The following ARL10 variants were observed in gnomAD, a reference collection of about 807,000 sequenced individuals.
ARL10 encodes the protein ARF like GTPase 10.
In ARL10, 23 loss-of-function variants were observed where a neutral mutation model predicts 26.1. That is an observed-to-expected ratio of 0.88 (90% CI 0.63 to 1.25). ARL10 has a LOEUF of 1.25. Ranked by LOEUF, ARL10 falls within the 50% of genes most tolerant of loss-of-function variation. ARL10 has a pLI of 0.00. For synonymous variants in ARL10, 138 were observed against 149.1 expected (o/e 0.93, Z 0.54); for missense variants, 300 against 323.6 (o/e 0.93, Z 0.56).
At chr5:176,412,088 A>ATCACT in the ARL10 span, among the ~76,000 whole-genome samples, 2 of 150,218 alleles carry the variant, frequency 1.3e-5, no homozygotes, top group Non-Finnish European at 3.0e-5. Flanking sequence ...AGGCAGGAGA[A>ATCACT]TGGTGTGAAC....
At position 176,375,195 on chromosome 5, in the gene ARL10, TCCATCCATCCACTCATCCACCCATCCAC is replaced by T. The variant is rs1768657505; in HGVS notation, c.*3312_*3339del. On this transcript the variant is annotated 3_prime_UTR_variant, in exon 4 of 4. Transcript: ENST00000310389. ...ACCCACCCACCCATCCACCCATCCATCCATCCATCCACTCATCCACCCATCCACCCATCCATCCATCCATCCATCCATC... is the reference window on the plus strand; with the variant it reads ...ACCCACCCACCCATCCACCCATCCATCCATCCATCCATCCATCCATCCATC... 3.7e-5 allele frequency: 3 copies of T among 80,548 alleles called. No individual in the cohort carries two copies. The highest frequency in any genetic ancestry group is 1.6e-4 in the Admixed American group (1 of 6,118). 5.0% of individuals were successfully genotyped at this position (80,548 alleles called of 1,614,324 possible).
At chr5:176,385,028 A>G, downstream of ARL10, 3 of 594,352 alleles carry the variant, frequency 5.0e-6, no homozygotes, top group Non-Finnish European at 9.0e-6. Flanking sequence ...ACTGGAACCA[A>G]GGTCACTCAG....
downstream of ARL10, among the ~76,000 whole-genome samples, chr5:176,391,786 G>A (rs1239619946): frequency 6.6e-6 from 1 of 152,236 alleles, no homozygotes; most frequent in Admixed American, 6.5e-5. Flanking sequence ...AGCTCCTTCA[G>A]AGGGAGCATG....
Position 176,397,467 on chromosome 5 carries a change from C to A in ARL10, c.134-4274C>A, listed in dbSNP as rs1212213350. On this transcript the variant is annotated intron_variant, in intron 1 of 1. Coordinates refer to the ARL10 transcript ENST00000514533. ...CACAGCCCGTCTCATGTCCCCACGG[C>A]CCCCTCATGTCCCCACAGCTCCCTC... 7 of 606,502 alleles carry A rather than the reference C, an allele frequency of 1.2e-5. No homozygotes were observed. The African/African-American group carries it at 1.4e-4, about 12-fold the overall frequency. The allele number at this position is 606,502 out of a possible 1,614,324, so 37.6% of individuals were successfully genotyped here.
chr5:176,388,668 A>T (rs1756101399), downstream of ARL10: 2 of 1,329,204 alleles, frequency 1.5e-6, no homozygotes, highest in Non-Finnish European at 2.1e-6. Context: ...CTTTTGTAGC[A>T]CTACCGTGCT....
At chr5:176,369,243 T>A (rs575369738) in intron 3 of ARL10, 4 of 1,432,836 alleles carry the variant, frequency 2.8e-6, no homozygotes, top group Admixed American at 2.2e-5. Flanking sequence ...TGTTTTTGTT[T>A]TTTTTTTGAG....
chr5:176,408,730 A>C, the ARL10 span, among the ~76,000 whole-genome samples: 1 of 152,222 alleles, frequency 6.6e-6, no homozygotes, highest in East Asian at 1.9e-4. Context: ...TATGTTGCCC[A>C]GTTTGGTCTC....
chr5:176,387,373 T>C (rs1419538566), intron 1 of ARL10, among the ~76,000 whole-genome samples: 1 of 152,228 alleles, frequency 6.6e-6, no homozygotes, highest in Non-Finnish European at 1.5e-5. Flanking sequence ...ACTTTGTGTT[T>C]TGTTCTCTAT....
At chr5:176,370,493 C>T (rs141368869) in intron 3 of ARL10, among the ~76,000 whole-genome samples, 4 of 152,240 alleles carry the variant, frequency 2.6e-5, no homozygotes, top group East Asian at 1.9e-4. Flanking sequence ...TGTATGTCTT[C>T]GACCTCAGAT....
At chr5:176,411,301 AC>A in the ARL10 span, among the ~76,000 whole-genome samples, 1 of 152,150 alleles carries the variant, frequency 6.6e-6, no homozygotes, top group East Asian at 1.9e-4. Context: ...TAAAACATGC[AC>A]TTACCTGTGC....
Position 176,372,175 on chromosome 5 carries a change from C to T in ARL10, c.*280C>T. Reference sequence around the variant, plus strand: ...GAATGTGGATCCAGCTTTCCCTTCTCTTACCTGTACAGTGAGATGCTCAGT... The same window carrying T: ...GAATGTGGATCCAGCTTTCCCTTCTTTTACCTGTACAGTGAGATGCTCAGT... On this transcript the variant is annotated 3_prime_UTR_variant, in exon 4 of 4. Coordinates refer to ENST00000310389, the MANE Select transcript of ARL10 (RefSeq NM_173664.6). 1.9e-6 allele frequency: 2 copies of T among 1,053,964 alleles called. No homozygotes were observed. Among genetic ancestry groups the T allele is most frequent in the Admixed American group, 3.5e-5 (1 of 28,516 alleles). 65.3% of individuals were successfully genotyped at this position (1,053,964 alleles called of 1,614,324 possible).
At chr5:176,408,831 G>GT in the ARL10 span, among the ~76,000 whole-genome samples, 1 of 152,130 alleles carries the variant, frequency 6.6e-6, no homozygotes, top group Non-Finnish European at 1.5e-5. Flanking sequence ...GGTTTTCCTC[G>GT]TTTTTTGCAG....
downstream of ARL10, among the ~76,000 whole-genome samples, chr5:176,390,846 T>C (rs1032421260): frequency 2.6e-5 from 4 of 152,140 alleles, no homozygotes; most frequent in African/African-American, 9.7e-5. Flanking sequence ...CTCCAGAGAT[T>C]TGTGTACATA....
chr5:176,389,391 G>A (rs1561787143), downstream of ARL10: 2 of 1,614,148 alleles, frequency 1.2e-6, no homozygotes, highest in Non-Finnish European at 1.7e-6. Flanking sequence ...CGGGGCAACA[G>A]CCAGCGCTCT....
the ARL10 span, among the ~76,000 whole-genome samples, chr5:176,406,868 G>A: frequency 1.8e-4 from 27 of 152,188 alleles, no homozygotes; most frequent in Admixed American, 3.3e-4. Flanking sequence ...TGACCCAGGC[G>A]CTGTGGCCAG....
chr5:176,405,701 G>C (rs1757077328), downstream of ARL10: 1 of 152,026 alleles, frequency 6.6e-6, no homozygotes, highest in Non-Finnish European at 1.5e-5. Context: ...CAGGGGCGTG[G>C]AGGGCACGGG....
chr5:176,397,268 C>T (rs756139328), intron 1 of ARL10, among the ~76,000 whole-genome samples: 41 of 152,180 alleles, frequency 2.7e-4, no homozygotes, highest in Non-Finnish European at 3.5e-4. Context: ...GCCTCAAAGG[C>T]AGGGAGCACT....
chr5:176,394,544 G>A (rs58884428), intron 1 of ARL10, among the ~76,000 whole-genome samples: 13,631 of 151,964 alleles, frequency 0.09, 1,001 homozygotes, highest in African/African-American at 0.2. Context: ...GTGGCCAGGC[G>A]CGGTGGCTCA....
At chr5:176,388,766 C>A, downstream of ARL10, 11 of 1,591,316 alleles carry the variant, frequency 6.9e-6, no homozygotes, top group Non-Finnish European at 9.4e-6. Context: ...TCATGACCTT[C>A]ACCGGGAGGC....
Sources: allele counts gnomAD v4.1 joint callset (sites outside exome capture counted in the v4.1 genomes callset), GRCh38; gene constraint gnomAD v4.1.1; transcripts MANE v1.5; gene names NCBI Gene and HGNC (gene_info 2026-07-23, HGNC 2026-07-21).